Variants in NXN observed in about 807,000 individuals in gnomAD.
The protein encoded by NXN is nucleoredoxin 1.
Under a neutral mutation model 48.6 loss-of-function variants are expected in NXN, and 16 were observed. The observed-to-expected ratio is 0.33, with a 90% CI of 0.22 to 0.50. The LOEUF (loss-of-function observed/expected upper bound fraction) is 0.50. Among genes scored for constraint, NXN ranks in the 20% least tolerant of loss-of-function variants. The pLI is 0.98. For missense variants in NXN, 492 were observed against 605.5 expected (o/e 0.81, Z 1.97); for synonymous variants, 281 against 269.6 (o/e 1.04, Z -0.41).
intron 5 of NXN, among the ~76,000 whole-genome samples, chr17:812,822 GA>G (rs1567812798): frequency 6.6e-6 from 1 of 150,710 alleles, no homozygotes; most frequent in Non-Finnish European, 1.5e-5. Context: ...GTGTGTGTGC[GA>G]GTGTGCATGT....
At chr17:916,796 G>A (rs776969268) in intron 1 of NXN, among the ~76,000 whole-genome samples, 4 of 152,174 alleles carry the variant, frequency 2.6e-5, no homozygotes, top group Admixed American at 6.5e-5. Flanking sequence ...CACTTCGGGG[G>A]CTGAGGCAGG....
intron 1 of NXN, among the ~76,000 whole-genome samples, chr17:925,410 CAG>C (rs2068789026): frequency 6.6e-6 from 1 of 152,120 alleles, no homozygotes; most frequent in African/African-American, 2.4e-5. Context: ...CTGACTGAGA[CAG>C]AGTTTTGCTC....
intron 1 of NXN, among the ~76,000 whole-genome samples, chr17:893,223 T>A (rs938091459): frequency 6.6e-6 from 1 of 152,202 alleles, no homozygotes; most frequent in Non-Finnish European, 1.5e-5. Flanking sequence ...TCAGGCCACG[T>A]TCCTGGACAG....
At chr17:805,279 C>T (rs749785097) in intron 5 of NXN, 32 bp from the exon 6 acceptor site, 27 of 1,582,906 alleles carry the variant, frequency 1.7e-5, no homozygotes, top group East Asian at 2.3e-5. Flanking sequence ...TGGCCGCTGG[C>T]CCGGGAGATG....
rs71357122 is a variant in NXN at position 849,624 on chromosome 17, T to C, written c.361-23546A>G. Among the ~76,000 whole-genome samples, 4,951 of 152,054 alleles carry C rather than the reference T, an allele frequency of 0.033. 212 individuals carry two copies. Among genetic ancestry groups the C allele is most frequent in the East Asian group, 0.22 (1,139 of 5,156 alleles). ...AGGGGCCGCTGGACTCCCTCTTCCC[T>C]CCCTCCACGTCCTTGTCCTCTGGCG... On this transcript the variant is annotated intron_variant, in intron 1 of 7. Transcript: ENST00000336868. This position sits in a 1 kb window ranked among gnomAD's most constrained non-coding sequence, Gnocchi z 4.2.
intron 1 of NXN, among the ~76,000 whole-genome samples, chr17:826,713 C>T (rs1341765923): frequency 6.6e-6 from 1 of 152,174 alleles, no homozygotes; most frequent in Non-Finnish European, 1.5e-5. Flanking sequence ...GGTCCCTGCA[C>T]TTGAAATATC....
At chr17:875,414 CAT>C (rs1234824392) in intron 1 of NXN, among the ~76,000 whole-genome samples, 1 of 152,122 alleles carries the variant, frequency 6.6e-6, no homozygotes, top group African/African-American at 2.4e-5. Flanking sequence ...CAAACAGACT[CAT>C]AGAGATAAGC....
intron 1 of NXN, among the ~76,000 whole-genome samples, chr17:908,884 A>G (rs920326396): frequency 1.3e-5 from 2 of 152,126 alleles, no homozygotes; most frequent in African/African-American, 4.8e-5. Flanking sequence ...CAGGCAGATC[A>G]CGAGGTCAGG....
intron 1 of NXN, among the ~76,000 whole-genome samples, chr17:946,934 C>G (rs927173031): frequency 6.6e-6 from 1 of 152,318 alleles, no homozygotes; most frequent in Admixed American, 6.5e-5. Flanking sequence ...CAGTTCACAG[C>G]TTCAGGGCCA....
intron 1 of NXN, among the ~76,000 whole-genome samples, chr17:962,358 G>T (rs551289937): frequency 6.6e-6 from 1 of 152,068 alleles, no homozygotes; most frequent in African/African-American, 2.4e-5. Context: ...CAAAACGAAG[G>T]TCCTTCTGTG....
In NXN at chr17:801,115, G is replaced by A. The variant is rs1911179259; in HGVS notation, c.1142C>T (p.Ser381Phe). 6.5e-7 allele frequency: 1 copy of A among 1,548,234 alleles called. No individual in the cohort carries two copies. Among genetic ancestry groups the A allele is most frequent in the African/African-American group, 1.4e-5 (1 of 71,828 alleles). The stretch of plus-strand genomic sequence containing the variant: ...AGGCAGGTTGGTGTAATCTCGCAGG[G>A]AGTCAGTCATGTCATCCTGAAGCCG... Reference protein sequence around the residue: ...FVAGEDDMTDSLRDYTNLPEA... With the variant: ...FVAGEDDMTDFLRDYTNLPEA... Residue 381 changes from serine (S) to phenylalanine (F), a missense_variant, in exon 8 of 8, where the codon TCC becomes TTC. By Grantham distance (155) the Ser-to-Phe change is radical (BLOSUM62 -2). Coordinates refer to ENST00000336868, the MANE Select transcript of NXN (RefSeq NM_022463.5).
intron 1 of NXN, among the ~76,000 whole-genome samples, chr17:915,037 A>G (rs144701162): frequency 0.011 from 1,700 of 151,186 alleles, 36 homozygotes; most frequent in East Asian, 0.086. Context: ...CAGGTTCAAG[A>G]GATTCTCCTG....
At chr17:829,427 T>C (rs1340127504) in intron 1 of NXN, among the ~76,000 whole-genome samples, 1 of 151,904 alleles carries the variant, frequency 6.6e-6, no homozygotes. Flanking sequence ...AGTGCTGGGA[T>C]TACAGGTGTG....
At chr17:863,952 C>G in intron 1 of NXN, 1 of 1,530,028 alleles carries the variant, frequency 6.5e-7, no homozygotes, top group Non-Finnish European at 8.8e-7. Context: ...AGCAGCAATG[C>G]CTGGGAACTG....
chr17:921,907 C>A (rs2144952662), intron 1 of NXN, among the ~76,000 whole-genome samples: 1 of 152,346 alleles, frequency 6.6e-6, no homozygotes. Context: ...CACCTGTATC[C>A]CAAGGGAACC....
At chr17:963,341 G>A (rs333633) in intron 1 of NXN, among the ~76,000 whole-genome samples, 3,518 of 152,052 alleles carry the variant, frequency 0.023, 125 homozygotes, top group African/African-American at 0.08. Context: ...AGTGGCTCAC[G>A]TATGTAATCC....
intron 1 of NXN, among the ~76,000 whole-genome samples, chr17:974,959 T>C (rs930011006): frequency 1.3e-5 from 2 of 152,102 alleles, no homozygotes; most frequent in Non-Finnish European, 2.9e-5. Flanking sequence ...CCCGAGTAGC[T>C]GGGACCACAG....
intron 1 of NXN, among the ~76,000 whole-genome samples, chr17:843,006 G>GAAAGAAAGAAAGAAAGAA (rs1302027670): frequency 1.0e-5 from 1 of 96,042 alleles, no homozygotes; most frequent in Non-Finnish European, 2.1e-5. Flanking sequence ...GAGAGAAAGA[G>GAAAGAAAGAAAGAAAGAA]AGAAAGAAAG....
rs755116985 is a variant in NXN, at chr17:825,150, C to T, written c.478+811G>A. On this transcript the variant is annotated intron_variant, in intron 2 of 7. Coordinates refer to ENST00000336868, the MANE Select transcript of NXN (RefSeq NM_022463.5). This position sits in a 1 kb window ranked among gnomAD's most constrained non-coding sequence, Gnocchi z 4.1. Reference sequence around the variant, plus strand: ...GGAGGATGAGTTGAGCTCAGGAGGTCGAGGCTGCAGTGAACCGGGATCATG... The same window carrying T: ...GGAGGATGAGTTGAGCTCAGGAGGTTGAGGCTGCAGTGAACCGGGATCATG... Among the ~76,000 whole-genome samples the T allele has an allele frequency of 5.8e-4, 86 of 147,700 alleles. No homozygotes were observed. Among genetic ancestry groups the T allele is most frequent in the South Asian group, 3.0e-3 (14 of 4,732 alleles).
Sources: allele counts gnomAD v4.1 joint callset (sites outside exome capture counted in the v4.1 genomes callset), GRCh38; gene constraint gnomAD v4.1.1; non-coding constraint Gnocchi (gnomAD v3.1); transcripts MANE v1.5; gene names NCBI Gene and HGNC (gene_info 2026-07-23, HGNC 2026-07-21).